Variants in HOOK1 observed in about 807,000 individuals in gnomAD.
HOOK1 encodes the protein hook microtubule tethering protein 1, also known as protein Hook homolog 1.
In HOOK1, 60 loss-of-function variants were observed where a neutral mutation model predicts 112.8. That is an observed-to-expected ratio of 0.53 (90% confidence interval 0.43 to 0.66). HOOK1 has a LOEUF of 0.66. Among genes scored for constraint, HOOK1 ranks in the 30% least tolerant of loss-of-function variants. HOOK1 has a pLI of 0.00. For missense variants in HOOK1, 770 were observed against 856.0 expected (o/e 0.90, Z 1.25); for synonymous variants, 294 against 283.8 (o/e 1.04, Z -0.36).
intron 7 of HOOK1, among the ~76,000 whole-genome samples, chr1:59,837,878 T>A (rs1293721207): frequency 6.6e-6 from 1 of 152,080 alleles, no homozygotes; most frequent in Non-Finnish European, 1.5e-5. Context: ...TGGTGTGTGA[T>A]GCTCCCCTCC....
At chr1:59,848,542 G>T in intron 11 of HOOK1, 26 bp downstream of exon 11, 1 of 1,502,562 alleles carries the variant, frequency 6.7e-7, no homozygotes, top group South Asian at 1.2e-5. Context: ...ATTTTTAATT[G>T]ATAAAATTGT....
intron 12 of HOOK1, among the ~76,000 whole-genome samples, chr1:59,851,203 C>A (rs537402875): frequency 6.6e-6 from 1 of 151,324 alleles, no homozygotes; most frequent in South Asian, 2.1e-4. Context: ...CTTGTCAATT[C>A]TTGCAAAAAA....
In HOOK1 at chr1:59,875,685, C is replaced by T. The variant is rs1347255870; in HGVS notation, c.*2720C>T. 1.3e-5 allele frequency: 2 copies of T among 152,144 alleles called. No homozygotes were observed. Among genetic ancestry groups the T allele is most frequent in the African/African-American group, 2.4e-5 (1 of 41,454 alleles). The allele number at this position is 152,144 out of a possible 1,614,324, so 9.4% of individuals were successfully genotyped here. A position where few individuals can be genotyped will look rare whatever the true frequency, so the allele number is the denominator to read the frequency against. ...TTTGCAAATGATCTTCAATGTTAAGCACTTGCTCTAAGATTAAAATTCCTT... is the reference window on the plus strand; with the variant it reads ...TTTGCAAATGATCTTCAATGTTAAGTACTTGCTCTAAGATTAAAATTCCTT... On this transcript the variant is annotated 3_prime_UTR_variant, in exon 22 of 22. Transcript: ENST00000371208.
chr1:59,837,853 A>AC (rs2098398759), intron 7 of HOOK1, among the ~76,000 whole-genome samples: 1 of 150,142 alleles, frequency 6.7e-6, no homozygotes, highest in Non-Finnish European at 1.5e-5. Context: ...CTAGCCCCCC[A>AC]CCCCCCACAG....
At chr1:59,837,567 C>G (rs2098398553) in intron 7 of HOOK1, among the ~76,000 whole-genome samples, 1 of 152,022 alleles carries the variant, frequency 6.6e-6, no homozygotes, top group South Asian at 2.1e-4. Context: ...AAACATTTTT[C>G]TGTAATAAAA....
At chr1:59,872,756 A>C in intron 21 of HOOK1, 39 bp from the exon 22 acceptor site, 1 of 1,325,158 alleles carries the variant, frequency 7.5e-7, no homozygotes, top group Non-Finnish European at 9.9e-7. Flanking sequence ...AACTCTGTTT[A>C]GTCATGTTAA....
intron 15 of HOOK1, among the ~76,000 whole-genome samples, chr1:59,860,777 CT>C (rs35112707): frequency 1.3e-3 from 185 of 141,134 alleles, no homozygotes; most frequent in Non-Finnish European, 1.3e-3. Flanking sequence ...TCTTCTCTTT[CT>C]TTTTTTTTTT....
At chr1:59,867,069 A>T (rs1198142459) in intron 19 of HOOK1, among the ~76,000 whole-genome samples, 2 of 152,206 alleles carry the variant, frequency 1.3e-5, no homozygotes, top group Non-Finnish European at 2.9e-5. Context: ...GCCACCATTG[A>T]TTAATATCAT....
At chr1:59,831,897 G>A (rs951067163) in intron 3 of HOOK1, among the ~76,000 whole-genome samples, 6 of 152,172 alleles carry the variant, frequency 3.9e-5, no homozygotes, top group Admixed American at 2.6e-4. Context: ...GCTCATGACT[G>A]CAGCTGGACA....
chr1:59,844,237 G>T (rs1362803247), intron 9 of HOOK1, among the ~76,000 whole-genome samples: 6 of 151,876 alleles, frequency 4.0e-5, no homozygotes, highest in Admixed American at 3.9e-4. Context: ...ATTTGCTTTA[G>T]CAATCTCTGT....
intron 1 of HOOK1, among the ~76,000 whole-genome samples, chr1:59,815,713 C>T (rs374259107): frequency 6.6e-6 from 1 of 152,026 alleles, no homozygotes; most frequent in East Asian, 1.9e-4. Flanking sequence ...CTAGAACATC[C>T]GATTTTGTAG....
chr1:59,857,094 C>T (rs533631394), intron 12 of HOOK1, among the ~76,000 whole-genome samples: 80 of 152,248 alleles, frequency 5.3e-4, no homozygotes, highest in African/African-American at 1.9e-3. Context: ...TTCTATTTGC[C>T]AAATGTCTCG....
chr1:59,852,858 AT>A (rs1389413146), intron 12 of HOOK1, among the ~76,000 whole-genome samples: 1 of 151,616 alleles, frequency 6.6e-6, no homozygotes, highest in Non-Finnish European at 1.5e-5. Flanking sequence ...CTTTTGAATT[AT>A]TTTCCCTTAT....
At chr1:59,867,984 T>C (rs1248291783) in intron 19 of HOOK1, among the ~76,000 whole-genome samples, 1 of 152,178 alleles carries the variant, frequency 6.6e-6, no homozygotes, top group Non-Finnish European at 1.5e-5. Context: ...AAATAACTAT[T>C]TCCATGTACT....
intron 12 of HOOK1, among the ~76,000 whole-genome samples, chr1:59,857,599 C>T (rs565614699): frequency 6.6e-6 from 1 of 152,252 alleles, no homozygotes; most frequent in African/African-American, 2.4e-5. Flanking sequence ...AAGGCACCTA[C>T]GGACCCCTTG....
chr1:59,846,951 T>C, intron 9 of HOOK1, 94 bp from the exon 10 acceptor site: 1 of 879,126 alleles, frequency 1.1e-6, no homozygotes, highest in East Asian at 2.7e-5. Context: ...TTGAGTGTTA[T>C]ATATGCATTT....
At chr1:59,853,178 G>A (rs1042536544) in intron 12 of HOOK1, among the ~76,000 whole-genome samples, 6 of 151,962 alleles carry the variant, frequency 3.9e-5, no homozygotes, top group South Asian at 4.1e-4. Flanking sequence ...ACCTTGAATC[G>A]TTGTGTATAG....
chr1:59,828,347 A>G (rs1194116798), intron 2 of HOOK1, among the ~76,000 whole-genome samples: 1 of 152,178 alleles, frequency 6.6e-6, no homozygotes, highest in Non-Finnish European at 1.5e-5. Context: ...TGTGCTATTA[A>G]TAGTATCACT....
chr1:59,839,775 A>C (rs1049072496), intron 7 of HOOK1, among the ~76,000 whole-genome samples: 1 of 152,176 alleles, frequency 6.6e-6, no homozygotes, highest in Non-Finnish European at 1.5e-5. Context: ...GCCAGTTTTC[A>C]AAGGGAATGC....
Sources: allele counts gnomAD v4.1 joint callset (sites outside exome capture counted in the v4.1 genomes callset), GRCh38; gene constraint gnomAD v4.1.1; transcripts MANE v1.5; gene names NCBI Gene and HGNC (gene_info 2026-07-23, HGNC 2026-07-21).